The following SULT1B1 variants were observed in gnomAD, a reference collection of about 807,000 sequenced individuals.
SULT1B1 encodes the protein sulfotransferase family 1B member 1.
Under a neutral mutation model 34.6 loss-of-function variants are expected in SULT1B1, and 28 were observed. The observed-to-expected ratio is 0.81, with a 90% CI of 0.60 to 1.11. The LOEUF is 1.11. Ranked by LOEUF, SULT1B1 falls within the 50% of genes least tolerant of loss-of-function variation. The probability of loss-of-function intolerance (pLI) is 0.00; values close to 1 mark genes in which losing one functional copy is unlikely to be tolerated. For synonymous variants in SULT1B1, 147 were observed against 110.2 expected (o/e 1.33, Z -2.09); for missense variants, 374 against 352.2 (o/e 1.06, Z -0.50).
At chr4:69,743,035 G>A (rs1718611858) in intron 4 of SULT1B1, among the ~76,000 whole-genome samples, 1 of 152,204 alleles carries the variant, frequency 6.6e-6, no homozygotes, top group African/African-American at 2.4e-5. Context: ...GGCTCAGGGA[G>A]CTCCTAGGTT....
intron 2 of SULT1B1, 26 bp downstream of exon 2, chr4:69,755,044 T>C (rs989220267): frequency 1.5e-5 from 24 of 1,584,392 alleles, no homozygotes; most frequent in South Asian, 4.5e-5. Flanking sequence ...AGGTCGGACT[T>C]GAATTTGTCA....
At position 69,755,105 on chromosome 4, in the gene SULT1B1, G is replaced by T. The variant is rs778768595; in HGVS notation, c.113C>A (p.Pro38Gln). 3.1e-6 allele frequency: 5 copies of T among 1,613,638 alleles called. No homozygotes were observed. The African/African-American group carries it at 4.0e-5, about 13-fold the overall frequency. Reference protein sequence around the residue: ...WEKIEQFHSRPDDIVIATYPK... With the variant: ...WEKIEQFHSRQDDIVIATYPK... ...ATAAGTGGCTATCACAATGTCATCT[G>T]GTCTGCTATGGAACTGTTCAATTTT... The change falls in exon 2 of 8, where the codon CCA becomes CAA. Residue 38 changes from proline to glutamine, a missense_variant. Coordinates refer to ENST00000310613, the MANE Select transcript of SULT1B1 (RefSeq NM_014465.4).
In SULT1B1 at chr4:69,754,932, ATTT is replaced by A. The variant is rs1307630901; in HGVS notation, c.148+135_149-135del. 4.0e-6 allele frequency: 5 copies of A among 1,245,078 alleles called. No individual in the cohort carries two copies. In the Admixed American group the frequency reaches 1.1e-4, roughly 27 times the overall value. The allele number at this position is 1,245,078 out of a possible 1,614,324, so 77.1% of individuals were successfully genotyped here. ...TCCCCTTTCTATGCACCAAATGCCA[ATTT>A]TAATATACTAAAATAGATGGCTGCA... On this transcript the variant is annotated intron_variant, in intron 2 of 7. Coordinates refer to ENST00000310613, the MANE Select transcript of SULT1B1 (RefSeq NM_014465.4).
In SULT1B1 at chr4:69,724,092, T is replaced by C. The variant is rs1717734313; in HGVS notation, c.*2996A>G. 1 of 152,212 alleles carries C rather than the reference T, an allele frequency of 6.6e-6. No individual in the cohort carries two copies. The highest frequency in any genetic ancestry group is 1.5e-5 in the Non-Finnish European group (1 of 68,038). The allele number at this position is 152,212 out of a possible 1,614,324, so 9.4% of individuals were successfully genotyped here. A position where few individuals can be genotyped will look rare whatever the true frequency, so the allele number is the denominator to read the frequency against. The stretch of plus-strand genomic sequence containing the variant: ...AGAAGAGGAAGTCAAATTGTCCCTG[T>C]TTGCAGATGACATGATTGTATATGT... On this transcript the variant is annotated 3_prime_UTR_variant, in exon 8 of 8. Transcript: ENST00000310613.
chr4:69,721,894 AT>A lies in SULT1B1; in HGVS notation c.*5193del, dbSNP rs1012584537. ...GGTTCTGTTAGAGAAAGATTGTAAT[AT>A]GAGATTATTTTAAGTGTTTTCATTT... On this transcript the variant is annotated 3_prime_UTR_variant, in exon 8 of 8. Coordinates refer to ENST00000310613, the MANE Select transcript of SULT1B1 (RefSeq NM_014465.4). 14 of 152,248 alleles carry A rather than the reference AT, an allele frequency of 9.2e-5. No homozygotes were observed. Among genetic ancestry groups the A allele is most frequent in the African/African-American group, 3.1e-4 (13 of 41,586 alleles). The allele number at this position is 152,248 out of a possible 1,614,324, so 9.4% of individuals were successfully genotyped here.
chr4:69,734,005 GTT>G (rs1718191747), intron 5 of SULT1B1, 131 bp downstream of exon 5: 3 of 774,870 alleles, frequency 3.9e-6, no homozygotes, highest in Non-Finnish European at 3.7e-6. Context: ...ATTAGATTTA[GTT>G]TTTTAGATAA....
intron 4 of SULT1B1, among the ~76,000 whole-genome samples, chr4:69,746,879 A>G (rs1206185916): frequency 6.6e-6 from 1 of 152,046 alleles, no homozygotes; most frequent in African/African-American, 2.4e-5. Flanking sequence ...TTTTGCTTTT[A>G]TATTCTTTGT....
intron 7 of SULT1B1, among the ~76,000 whole-genome samples, chr4:69,728,835 C>T (rs1717945996): frequency 6.6e-6 from 1 of 152,006 alleles, no homozygotes; most frequent in South Asian, 2.1e-4. Flanking sequence ...GTGATGTAAT[C>T]AGAGCTTTGG....
chr4:69,747,734 A>C (rs1360442987), intron 4 of SULT1B1, among the ~76,000 whole-genome samples: 1 of 152,074 alleles, frequency 6.6e-6, no homozygotes, highest in Non-Finnish European at 1.5e-5. Flanking sequence ...GGCATCAAGG[A>C]GTCTCCTGCA....
chr4:69,758,467 C>A, intron 1 of SULT1B1: 1 of 985,178 alleles, frequency 1.0e-6, no homozygotes. Context: ...AACTTCTTAG[C>A]AAGTTGTTTC....
intron 6 of SULT1B1, among the ~76,000 whole-genome samples, chr4:69,732,556 T>C (rs1321532048): frequency 6.6e-6 from 1 of 152,054 alleles, no homozygotes; most frequent in Non-Finnish European, 1.5e-5. Context: ...TTCGTAATTT[T>C]CATTGTAGAT....
chr4:69,735,589 A>G (rs1457096818), intron 4 of SULT1B1, among the ~76,000 whole-genome samples: 1 of 152,222 alleles, frequency 6.6e-6, no homozygotes, highest in Non-Finnish European at 1.5e-5. Flanking sequence ...CCAATTTTCA[A>G]AAAGTCAGCT....
intron 4 of SULT1B1, among the ~76,000 whole-genome samples, chr4:69,747,386 T>C (rs937901927): frequency 1.3e-5 from 2 of 152,190 alleles, no homozygotes; most frequent in African/African-American, 4.8e-5. Flanking sequence ...TGAAGAACTA[T>C]GACAGCGGCT....
rs1578069094 is a variant in SULT1B1 at position 69,754,800 on chromosome 4, T to C, written c.149-2A>G. 3.1e-6 allele frequency: 5 copies of C among 1,607,792 alleles called. No homozygotes were observed. Among genetic ancestry groups the C allele is most frequent in the Non-Finnish European group, 4.2e-6 (5 of 1,177,568 alleles). ...TAATTTCACTAACCCAAGTAGTACC[T>C]GTGACAAAAGGCAACATTTTCAAAA... On this transcript the variant is annotated splice_acceptor_variant, in intron 2 of 7. Transcript: ENST00000310613. LOFTEE classifies it high-confidence loss of function.
In SULT1B1 at chr4:69,755,222, A is replaced by G; in HGVS notation, c.-5T>C. On this transcript the variant is annotated 5_prime_UTR_variant, in exon 2 of 8. Transcript: ENST00000310613. ...AATATCTTTTGGGGAAAGCATTTTA[A>G]TACCAGATTGTACAAATATATAATA... is the stretch of plus-strand genomic sequence containing the variant. 6.2e-7 allele frequency: 1 copy of G among 1,612,818 alleles called. No individual in the cohort carries two copies. The highest frequency in any genetic ancestry group is 8.5e-7 in the Non-Finnish European group (1 of 1,178,820).
intron 7 of SULT1B1, among the ~76,000 whole-genome samples, chr4:69,728,976 C>CT (rs1444730335): frequency 1.3e-5 from 2 of 151,900 alleles, no homozygotes; most frequent in African/African-American, 2.4e-5. Context: ...ACAGCAAGTG[C>CT]TTTTTTTCTA....
chr4:69,737,478 C>G (rs568174440), intron 4 of SULT1B1, among the ~76,000 whole-genome samples: 1 of 152,216 alleles, frequency 6.6e-6, no homozygotes, highest in East Asian at 1.9e-4. Flanking sequence ...TTTCTTAAGT[C>G]ATATTTTACA....
At chr4:69,752,580 G>A (rs953070502) in intron 3 of SULT1B1, among the ~76,000 whole-genome samples, 1 of 152,058 alleles carries the variant, frequency 6.6e-6, no homozygotes, top group African/African-American at 2.4e-5. Flanking sequence ...AAACAACTGG[G>A]ATTTTATATT....
chr4:69,760,084 G>T, intron 1 of SULT1B1: 1 of 177,486 alleles, frequency 5.6e-6, no homozygotes, highest in Non-Finnish European at 1.1e-5. Flanking sequence ...ATATTCTGGA[G>T]TGCACCTTAA....
Sources: gnomAD v4.1 joint callset for allele counts (sites outside exome capture counted in the v4.1 genomes callset) on GRCh38, gnomAD v4.1.1 for gene constraint, MANE v1.5 for transcripts, NCBI Gene and HGNC (gene_info 2026-07-23, HGNC 2026-07-21) for gene names.